Variants in CCDC7 observed in about 807,000 individuals in gnomAD.
CCDC7 encodes the protein coiled-coil domain containing 7.
A neutral mutation model predicts 196.9 loss-of-function variants in CCDC7; 183 were observed. The ratio of observed to expected loss-of-function variants is 0.93; its 90% CI spans 0.82 to 1.05. The LOEUF (loss-of-function observed/expected upper bound fraction) is 1.05, where lower values mean the gene tolerates loss of function less well. Among genes scored for constraint, CCDC7 ranks in the 50% least tolerant of loss-of-function variants. The probability of loss-of-function intolerance (pLI) is 0.00; values close to 1 mark genes in which losing one functional copy is unlikely to be tolerated. For synonymous variants in CCDC7, 525 were observed against 484.6 expected (o/e 1.08, Z -1.10); for missense variants, 1,540 against 1,482.2 (o/e 1.04, Z -0.64).
chr10:32,677,116 C>CA (rs1195538429), intron 21 of CCDC7, among the ~76,000 whole-genome samples: 2 of 146,090 alleles, frequency 1.4e-5, no homozygotes, highest in Non-Finnish European at 3.0e-5. Context: ...ATTGCAAGGA[C>CA]AAAAAACCAA....
intron 5 of CCDC7, among the ~76,000 whole-genome samples, chr10:32,468,215 T>C (rs1458964274): frequency 3.3e-5 from 5 of 152,360 alleles, no homozygotes; most frequent in East Asian, 1.9e-4. Flanking sequence ...TTTCTATCCA[T>C]GCACATGGAA....
intron 30 of CCDC7, among the ~76,000 whole-genome samples, chr10:32,807,721 C>T (rs1267595758): frequency 6.6e-6 from 1 of 151,842 alleles, no homozygotes; most frequent in Non-Finnish European, 1.5e-5. Context: ...CTTACAGGCC[C>T]TGACCAGTGG....
At chr10:32,447,016 A>G (rs951279105), upstream of CCDC7, among the ~76,000 whole-genome samples, 6 of 146,956 alleles carry the variant, frequency 4.1e-5, no homozygotes, top group Non-Finnish European at 9.0e-5. Flanking sequence ...GCAATCCATA[A>G]CAGCATATAC....
At chr10:32,655,486 A>C (rs1171764152) in intron 20 of CCDC7, among the ~76,000 whole-genome samples, 1 of 151,960 alleles carries the variant, frequency 6.6e-6, no homozygotes, top group Non-Finnish European at 1.5e-5. Flanking sequence ...AAAAATGTTG[A>C]GCATTTTTTC....
chr10:32,847,129 G>T (rs2093331497), intron 37 of CCDC7, among the ~76,000 whole-genome samples: 1 of 152,138 alleles, frequency 6.6e-6, no homozygotes, highest in African/African-American at 2.4e-5. Context: ...TCAAGGCTCT[G>T]CCCCTTGGAG....
chr10:32,543,330 A>G (rs2051834665), exon 12 of CCDC7: 8 of 1,465,848 alleles, frequency 5.5e-6, no homozygotes, highest in Non-Finnish European at 7.3e-6. Context: ...TCGAACAAAG[A>G]AAGCTGTGAA....
exon 33 of CCDC7, chr10:32,834,816 G>T (rs760787660): frequency 1.5e-6 from 2 of 1,376,584 alleles, no homozygotes; most frequent in Non-Finnish European, 2.1e-6. Flanking sequence ...TTTTTATAGA[G>T]ACTGTCTTAA....
chr10:32,640,132 A>G (rs944320743), intron 20 of CCDC7, among the ~76,000 whole-genome samples: 1 of 152,076 alleles, frequency 6.6e-6, no homozygotes, highest in African/African-American at 2.4e-5. Flanking sequence ...TCTAATGTTG[A>G]CAGTGGGGTG....
chr10:32,757,203 A>T (rs1015828117), intron 28 of CCDC7, among the ~76,000 whole-genome samples: 1 of 152,168 alleles, frequency 6.6e-6, no homozygotes, highest in Non-Finnish European at 1.5e-5. Flanking sequence ...TGAGACAGAA[A>T]GTTGACAAGG....
At chr10:32,528,139 C>T (rs1015763692) in intron 11 of CCDC7, among the ~76,000 whole-genome samples, 5 of 152,130 alleles carry the variant, frequency 3.3e-5, no homozygotes, top group Admixed American at 1.3e-4. Context: ...CTATGTCTGG[C>T]TTGTTTCACT....
exon 20 of CCDC7, chr10:32,635,112 A>G (rs2065419420): frequency 7.5e-6 from 3 of 398,736 alleles, no homozygotes; most frequent in South Asian, 1.3e-4. Flanking sequence ...CAAGAATCCA[A>G]TCTGAAACTA....
intron 18 of CCDC7, among the ~76,000 whole-genome samples, chr10:32,586,342 A>G (rs1265435366): frequency 6.6e-6 from 1 of 152,086 alleles, no homozygotes; most frequent in South Asian, 2.1e-4. Flanking sequence ...CACTCTGATG[A>G]TAGTTTCTTT....
intron 29 of CCDC7, among the ~76,000 whole-genome samples, chr10:32,800,235 A>G (rs1251746455): frequency 2.6e-5 from 4 of 152,096 alleles, no homozygotes; most frequent in Non-Finnish European, 4.4e-5. Flanking sequence ...AATCTCTGCA[A>G]TTTTTGTAAG....
At chr10:32,718,085 C>A (rs2081894160) in intron 25 of CCDC7, among the ~76,000 whole-genome samples, 1 of 151,966 alleles carries the variant, frequency 6.6e-6, no homozygotes, top group Non-Finnish European at 1.5e-5. Context: ...AAAACAACAA[C>A]AAAAATTCAG....
At chr10:32,841,460 G>A (rs541233234) in intron 33 of CCDC7, among the ~76,000 whole-genome samples, 3 of 152,120 alleles carry the variant, frequency 2.0e-5, no homozygotes, top group South Asian at 2.1e-4. Flanking sequence ...AACCAAGGAC[G>A]TGAAAGACCT....
At chr10:32,855,010 G>A (rs2093695287) in intron 41 of CCDC7, among the ~76,000 whole-genome samples, 1 of 152,010 alleles carries the variant, frequency 6.6e-6, no homozygotes, top group Non-Finnish European at 1.5e-5. Flanking sequence ...AAATTACTAT[G>A]GCTAATAGCT....
intron 18 of CCDC7, among the ~76,000 whole-genome samples, chr10:32,608,350 T>TCC (rs1240864999): frequency 1.3e-5 from 2 of 152,144 alleles, no homozygotes; most frequent in Non-Finnish European, 2.9e-5. Flanking sequence ...TTTGGTTTGT[T>TCC]CCTCCTTTTC....
At chr10:32,839,111 A>G (rs963288372) in intron 33 of CCDC7, among the ~76,000 whole-genome samples, 1 of 152,008 alleles carries the variant, frequency 6.6e-6, no homozygotes, top group African/African-American at 2.4e-5. Flanking sequence ...ACAAATGGTA[A>G]GATGAATGGA....
chr10:32,628,543 C>G (rs998811918), intron 18 of CCDC7, among the ~76,000 whole-genome samples: 5 of 151,764 alleles, frequency 3.3e-5, no homozygotes, highest in African/African-American at 1.2e-4. Flanking sequence ...TTTCTGCTAA[C>G]TTTGGCTTAG....
Sources: allele counts gnomAD v4.1 joint callset (sites outside exome capture counted in the v4.1 genomes callset), GRCh38; gene constraint gnomAD v4.1.1; transcripts MANE v1.5; gene names NCBI Gene and HGNC (gene_info 2026-07-23, HGNC 2026-07-21).